SUMF1: variants seen among roughly 807,000 people sequenced by gnomAD.
SUMF1 encodes the protein sulfatase modifying factor 1, also known as formylglycine-generating enzyme.
A neutral mutation model predicts 47.6 loss-of-function variants in SUMF1; 48 were observed. That is an observed-to-expected ratio of 1.01 (90% CI 0.80 to 1.28). The LOEUF is 1.28. SUMF1 is among the 50% of genes most tolerant of loss of function. The probability of loss-of-function intolerance (pLI) is 0.00; values close to 1 mark genes in which losing one functional copy is unlikely to be tolerated. For synonymous variants in SUMF1, 230 were observed against 192.1 expected, an observed-to-expected ratio of 1.20 and a Z score of -1.63; for missense variants, 571 against 485.4, an observed-to-expected ratio of 1.18 and a Z score of -1.66.
intron 2 of SUMF1, among the ~76,000 whole-genome samples, chr3:4,450,919 G>A (rs1004565248): frequency 8.6e-5 from 13 of 151,926 alleles, no homozygotes; most frequent in Admixed American, 8.5e-4. Context: ...GTATACAAGA[G>A]GAGCATGATA....
At chr3:4,076,729 G>T (rs1018440663) in intron 8 of SUMF1, among the ~76,000 whole-genome samples, 1 of 152,156 alleles carries the variant, frequency 6.6e-6, no homozygotes, top group Non-Finnish European at 1.5e-5. Context: ...GCCGGGCGTG[G>T]TGGCTCACGC....
chr3:4,421,491 T>C (rs1334812367), intron 3 of SUMF1, among the ~76,000 whole-genome samples: 1 of 152,070 alleles, frequency 6.6e-6, no homozygotes, highest in Admixed American at 6.5e-5. Context: ...TGCAAATGAT[T>C]CTTTTTGAGA....
In SUMF1 at chr3:4,449,357, A is replaced by G; in HGVS notation, c.445-17T>C. On this transcript the variant is annotated splice_polypyrimidine_tract_variant and intron_variant, in intron 2 of 8. Transcript: ENST00000272902. ...CTTCTCAGCCTATAAGGAAGGTAGG[A>G]AATAAAAATCCAGAAAAGGTTGTAG... The G allele has an allele frequency of 6.2e-7, 1 of 1,613,918 alleles. No individual in the cohort carries two copies. The highest frequency in any genetic ancestry group is 1.1e-5 in the South Asian group (1 of 91,082).
chr3:4,149,045 C>T (rs186008933), intron 8 of SUMF1, among the ~76,000 whole-genome samples: 31 of 152,256 alleles, frequency 2.0e-4, no homozygotes, highest in African/African-American at 7.2e-4. Flanking sequence ...TGAAATCTCA[C>T]GTTTCAACAA....
rs753433953 is a variant in SUMF1 at position 4,410,845 on chromosome 3, G to A, written c.954+20C>T. 3 of 1,605,424 alleles carry A rather than the reference G, an allele frequency of 1.9e-6. No individual in the cohort carries two copies. The South Asian group carries it at 3.3e-5, about 18-fold the overall frequency. On this transcript the variant is annotated intron_variant, in intron 7 of 8. Coordinates refer to ENST00000272902, the MANE Select transcript of SUMF1 (RefSeq NM_182760.4). ...CAGATGCCACCATTCCAAGACACAT[G>A]CTCTGTGAATAATACTCACTGGGTT...
At chr3:4,369,148 C>A (rs555897189) in intron 8 of SUMF1, among the ~76,000 whole-genome samples, 2 of 151,848 alleles carry the variant, frequency 1.3e-5, no homozygotes, top group East Asian at 3.9e-4. Context: ...TTCTTTAGAG[C>A]ACTTCTACTG....
rs182286761 is a variant in SUMF1, at chr3:4,448,730, C to G, written c.519+536G>C. 2.6e-5 allele frequency among the ~76,000 whole-genome samples: 4 copies of G among 152,156 alleles called. No homozygotes were observed. The East Asian group carries it at 5.8e-4, about 22-fold the overall frequency. On this transcript the variant is annotated intron_variant, in intron 3 of 8. Transcript: ENST00000272902. ...GAAAAACACACCTCATCTGCATTCC[C>G]TGGATCCTCCATATGGGAGGGTACA...
chr3:4,194,474 G>C (rs1474344690), intron 8 of SUMF1, among the ~76,000 whole-genome samples: 1 of 152,148 alleles, frequency 6.6e-6, no homozygotes. Context: ...CCCTCAGGCA[G>C]GAGCCTGGAG....
At chr3:4,187,926 G>A (rs577519825) in intron 8 of SUMF1, among the ~76,000 whole-genome samples, 2 of 152,200 alleles carry the variant, frequency 1.3e-5, no homozygotes, top group South Asian at 4.1e-4. Context: ...CAATGTTACT[G>A]TTTCGTAATG....
intron 9 of SUMF1, among the ~76,000 whole-genome samples, chr3:4,065,994 T>G (rs1221908104): frequency 6.6e-6 from 1 of 152,116 alleles, no homozygotes; most frequent in Non-Finnish European, 1.5e-5. Context: ...CCTCCCTTCC[T>G]GCTCCATTGT....
chr3:4,233,501 A>T (rs1696346108), intron 8 of SUMF1, among the ~76,000 whole-genome samples: 1 of 152,128 alleles, frequency 6.6e-6, no homozygotes, highest in African/African-American at 2.4e-5. Flanking sequence ...ACTAAGCTAT[A>T]AAATAAGTAC....
intron 8 of SUMF1, among the ~76,000 whole-genome samples, chr3:4,257,720 C>G (rs1170111731): frequency 6.6e-6 from 1 of 151,738 alleles, no homozygotes; most frequent in African/African-American, 2.4e-5. Context: ...CCATCCCCAT[C>G]AAGCTACCAA....
intron 8 of SUMF1, among the ~76,000 whole-genome samples, chr3:4,070,594 G>C (rs1247620023): frequency 6.6e-6 from 1 of 152,076 alleles, no homozygotes; most frequent in Non-Finnish European, 1.5e-5. Flanking sequence ...AAAAGGGAAA[G>C]ATAGGGCAAC....
intron 2 of SUMF1, among the ~76,000 whole-genome samples, chr3:4,452,159 G>A (rs576922896): frequency 2.0e-5 from 3 of 149,506 alleles, no homozygotes; most frequent in African/African-American, 4.9e-5. Context: ...GGGACCCCAC[G>A]AACTGAAGAC....
intron 9 of SUMF1, among the ~76,000 whole-genome samples, chr3:4,040,680 GT>G (rs1694892686): frequency 6.6e-6 from 1 of 152,252 alleles, no homozygotes; most frequent in South Asian, 2.1e-4. Context: ...AGTATGTCAC[GT>G]AAAACTAACA....
rs565755748 is a variant in SUMF1 at position 4,058,822 on chromosome 3, C to T, written c.1191+9747G>A. Among the ~76,000 whole-genome samples the T allele has an allele frequency of 1.0e-3, 159 of 152,196 alleles. 1 individual carries two copies. Among genetic ancestry groups the T allele is most frequent in the South Asian group, 3.5e-3 (17 of 4,816 alleles). ...AACACTCCATAATTCTAACCATTAA[C>T]CCAATGCCCCATTTCCAAACAGTCA... On this transcript the variant is annotated intron_variant and NMD_transcript_variant, in intron 9 of 12. Coordinates refer to the SUMF1 transcript ENST00000448413.
Position 4,211,590 on chromosome 3 carries a change from A to G in SUMF1, c.1015-142845T>C, listed in dbSNP as rs143581982. On this transcript the variant is annotated intron_variant and NMD_transcript_variant, in intron 8 of 12. Coordinates refer to the SUMF1 transcript ENST00000448413. Reference sequence around the variant, plus strand: ...CTTAAACCGGACACAGAAAACTCCAATCATTTAAAAAACATAGACAAGTTC... The same window carrying G: ...CTTAAACCGGACACAGAAAACTCCAGTCATTTAAAAAACATAGACAAGTTC... Among the ~76,000 whole-genome samples, 294 of 152,228 alleles carry G rather than the reference A, an allele frequency of 1.9e-3. 2 individuals carry two copies. Among genetic ancestry groups the G allele is most frequent in the African/African-American group, 6.9e-3 (288 of 41,542 alleles).
chr3:4,126,142 C>T (rs1693650741), intron 8 of SUMF1, among the ~76,000 whole-genome samples: 1 of 151,330 alleles, frequency 6.6e-6, no homozygotes, highest in Admixed American at 6.6e-5. Flanking sequence ...TTTTGTGTCT[C>T]TTGTGTCCCA....
intron 8 of SUMF1, among the ~76,000 whole-genome samples, chr3:4,303,060 G>A (rs906876520): frequency 2.0e-5 from 3 of 152,172 alleles, no homozygotes; most frequent in African/African-American, 7.2e-5. Flanking sequence ...CGTGCAGTGA[G>A]CCCTCAAAAA....
Sources: gnomAD v4.1 joint callset for allele counts (sites outside exome capture counted in the v4.1 genomes callset) on GRCh38, gnomAD v4.1.1 for gene constraint, MANE v1.5 for transcripts, NCBI Gene and HGNC (gene_info 2026-07-23, HGNC 2026-07-21) for gene names.